The following PLPP4 variants were observed in gnomAD, a reference collection of about 807,000 sequenced individuals.
The protein encoded by PLPP4 is diacylglycerol pyrophosphate like 2.
PLPP4 carries 20 observed loss-of-function variants against 32.2 expected under a neutral mutation model. That is an observed-to-expected ratio of 0.62 (90% CI 0.44 to 0.90). The LOEUF (loss-of-function observed/expected upper bound fraction) is 0.90, where lower values mean the gene tolerates loss of function less well. Among genes scored for constraint, PLPP4 ranks in the 40% least tolerant of loss-of-function variants. PLPP4 has a pLI of 0.00. For synonymous variants in PLPP4, 127 were observed against 133.0 expected (o/e 0.95, Z 0.31); for missense variants, 257 against 353.1 (o/e 0.73, Z 2.18).
intron 1 of PLPP4, among the ~76,000 whole-genome samples, chr10:120,502,850 T>C (rs1026940410): frequency 6.6e-6 from 1 of 151,944 alleles, no homozygotes; most frequent in African/African-American, 2.4e-5. Context: ...CCTTAGAGGG[T>C]TTCCTAGGAG....
intron 1 of PLPP4, among the ~76,000 whole-genome samples, chr10:120,461,686 A>C (rs1351588627): frequency 6.6e-6 from 1 of 152,250 alleles, no homozygotes; most frequent in Non-Finnish European, 1.5e-5. Flanking sequence ...AGTACCTTAC[A>C]GTCCAGTAGG....
chr10:120,473,203 C>T (rs1425390091), intron 1 of PLPP4, among the ~76,000 whole-genome samples: 1 of 152,084 alleles, frequency 6.6e-6, no homozygotes, highest in Non-Finnish European at 1.5e-5. Context: ...TTATTTTTCC[C>T]TAAGAGTATT....
At chr10:120,521,145 T>C (rs539648671) in intron 5 of PLPP4, 50 bp downstream of exon 5, 3 of 1,602,856 alleles carry the variant, frequency 1.9e-6, no homozygotes, top group Admixed American at 1.7e-5. Context: ...TGTTTCCTGC[T>C]CACTGTCTTT....
intron 5 of PLPP4, among the ~76,000 whole-genome samples, chr10:120,532,245 CT>C (rs1407015262): frequency 7.9e-5 from 12 of 152,092 alleles, no homozygotes; most frequent in Non-Finnish European, 1.6e-4. Context: ...ATGAACTCAT[CT>C]TTTTTTGTGG....
intron 2 of PLPP4, among the ~76,000 whole-genome samples, chr10:120,507,577 C>A (rs1293411199): frequency 6.6e-6 from 1 of 152,200 alleles, no homozygotes; most frequent in African/African-American, 2.4e-5. Context: ...CTGTCAGTGG[C>A]TGAACCAGGA....
intron 5 of PLPP4, among the ~76,000 whole-genome samples, chr10:120,523,407 T>G (rs17100303): frequency 0.015 from 2,328 of 152,312 alleles, 57 homozygotes; most frequent in African/African-American, 0.053. Flanking sequence ...ACATGTTTTT[T>G]TCCTCTATGC....
chr10:120,474,622 C>T (rs983248164), intron 1 of PLPP4, among the ~76,000 whole-genome samples: 4 of 151,976 alleles, frequency 2.6e-5, no homozygotes, highest in Non-Finnish European at 5.9e-5. Context: ...AATATTAATG[C>T]TTTATTTATG....
At chr10:120,535,413 C>T (rs1025667845) in intron 5 of PLPP4, among the ~76,000 whole-genome samples, 4 of 151,910 alleles carry the variant, frequency 2.6e-5, no homozygotes, top group African/African-American at 9.7e-5. Context: ...TCTATGCACA[C>T]CTGAAAATTT....
chr10:120,589,182 G>A (rs1440898497), intron 6 of PLPP4, 121 bp from the exon 7 acceptor site: 26 of 887,186 alleles, frequency 2.9e-5, no homozygotes, highest in Non-Finnish European at 4.3e-5. Flanking sequence ...TAGTCTTTCA[G>A]GGGGTCCTGT....
intron 2 of PLPP4, among the ~76,000 whole-genome samples, chr10:120,505,699 C>A (rs1220611580): frequency 6.6e-6 from 1 of 152,124 alleles, no homozygotes; most frequent in Non-Finnish European, 1.5e-5. Context: ...TTTTATAAAT[C>A]TTAGGGAAAT....
intron 4 of PLPP4, 134 bp from the exon 5 acceptor site, chr10:120,520,837 G>T: frequency 9.1e-7 from 1 of 1,093,712 alleles, no homozygotes; most frequent in Non-Finnish European, 1.3e-6. Context: ...AGAGTATTCT[G>T]TGAGGAGCTC....
Position 120,547,947 on chromosome 10 carries a change from T to C in PLPP4, c.445+26852T>C, listed in dbSNP as rs118033986. Reference sequence around the variant, plus strand: ...TTATGAGGGTTATATCATGAAACTTTCCAAATATGCTGATTTGTTTTAGTC... The same window carrying C: ...TTATGAGGGTTATATCATGAAACTTCCCAAATATGCTGATTTGTTTTAGTC... On this transcript the variant is annotated intron_variant, in intron 5 of 6. Coordinates refer to ENST00000398250, the MANE Select transcript of PLPP4 (RefSeq NM_001030059.3). Among the ~76,000 whole-genome samples, 92 of 152,340 alleles carry C rather than the reference T, an allele frequency of 6.0e-4. 6 individuals are homozygous for C. In the East Asian group the frequency reaches 0.017, roughly 29 times the overall value.
intron 1 of PLPP4, among the ~76,000 whole-genome samples, chr10:120,492,044 G>T (rs1247282861): frequency 2.0e-5 from 3 of 152,178 alleles, no homozygotes; most frequent in Admixed American, 2.0e-4. Flanking sequence ...AATGCCAGTT[G>T]CTGAGTGCCT....
At chr10:120,549,327 A>G (rs1230002173) in intron 5 of PLPP4, among the ~76,000 whole-genome samples, 1 of 151,178 alleles carries the variant, frequency 6.6e-6, no homozygotes, top group Non-Finnish European at 1.5e-5. Context: ...TGCTAACCAA[A>G]ATGGATACTA....
chr10:120,554,422 A>G (rs1029737062), intron 5 of PLPP4, among the ~76,000 whole-genome samples: 2 of 149,680 alleles, frequency 1.3e-5, no homozygotes, highest in Non-Finnish European at 3.0e-5. Context: ...GGAAGTTCCA[A>G]ACTCTCCATC....
intron 1 of PLPP4, among the ~76,000 whole-genome samples, chr10:120,485,546 C>G (rs1006087352): frequency 1.3e-5 from 2 of 152,164 alleles, no homozygotes; most frequent in African/African-American, 4.8e-5. Context: ...AATAGCACCT[C>G]CTTCAGAAGG....
intron 1 of PLPP4, among the ~76,000 whole-genome samples, chr10:120,470,960 T>C (rs139179209): frequency 2.0e-5 from 3 of 152,340 alleles, no homozygotes; most frequent in East Asian, 3.9e-4. Context: ...TAAAATAGTT[T>C]TATTGTATTG....
At chr10:120,493,661 C>A (rs116628456) in intron 1 of PLPP4, among the ~76,000 whole-genome samples, 2 of 152,182 alleles carry the variant, frequency 1.3e-5, no homozygotes, top group African/African-American at 2.4e-5. Context: ...CAATCCCCCC[C>A]CATCCTACCC....
chr10:120,493,502 C>CAG (rs1277251485), intron 1 of PLPP4, among the ~76,000 whole-genome samples: 18 of 152,180 alleles, frequency 1.2e-4, no homozygotes, highest in African/African-American at 4.3e-4. Context: ...CATGAGCAGG[C>CAG]AGAGGCTTTG....
Sources: gnomAD v4.1 joint callset for allele counts (sites outside exome capture counted in the v4.1 genomes callset) on GRCh38, gnomAD v4.1.1 for gene constraint, MANE v1.5 for transcripts, NCBI Gene and HGNC (gene_info 2026-07-23, HGNC 2026-07-21) for gene names.